Variants in WNT3 observed in about 807,000 individuals in gnomAD.
WNT3 encodes the protein Wnt family member 3, also known as proto-oncogene Wnt-3.
WNT3 carries 7 observed loss-of-function variants against 34.2 expected under a neutral mutation model. The ratio of observed to expected loss-of-function variants is 0.20; its 90% CI spans 0.12 to 0.38. The LOEUF (loss-of-function observed/expected upper bound fraction) is 0.38. WNT3 is among the 10% of genes least tolerant of loss of function. WNT3 has a pLI of 1.00. For synonymous variants in WNT3, 212 were observed against 211.5 expected (o/e 1.00, Z -0.02); for missense variants, 267 against 499.8 (o/e 0.53, Z 4.44).
chr17:46,808,443 CA>C (rs1288284655), intron 1 of WNT3, among the ~76,000 whole-genome samples: 1 of 152,178 alleles, frequency 6.6e-6, no homozygotes, highest in East Asian at 1.9e-4. Context: ...TATGAACAAG[CA>C]AATTTTTACC....
intron 4 of WNT3, among the ~76,000 whole-genome samples, chr17:46,767,596 G>A (rs954942760): frequency 1.3e-5 from 2 of 152,136 alleles, no homozygotes; most frequent in Admixed American, 1.3e-4. Context: ...GAAAGAACAG[G>A]AAGTTACTGA....
chr17:46,777,089 A>C (rs1044966537), intron 1 of WNT3, among the ~76,000 whole-genome samples: 2 of 152,250 alleles, frequency 1.3e-5, no homozygotes, highest in Admixed American at 1.3e-4. Flanking sequence ...TCACGCCTGT[A>C]ATCCCAGCTA....
Position 46,768,272 on chromosome 17 carries a change from C to A in WNT3, c.*8+40G>T, listed in dbSNP as rs755814594. On this transcript the variant is annotated intron_variant, in intron 4 of 4. Coordinates refer to ENST00000225512, the MANE Select transcript of WNT3 (RefSeq NM_030753.5). The surrounding 1 kb of genome is among the most constrained non-coding windows in gnomAD (Gnocchi z 5.0). ...TGGGCAAACAACCCCATTCCCTGCG[C>A]CCAGGCTCCCAGCCTCCCCCCTGCT... 18 of 1,611,386 alleles carry A rather than the reference C, an allele frequency of 1.1e-5. No homozygotes were observed. Among genetic ancestry groups the A allele is most frequent in the Non-Finnish European group, 1.5e-5 (18 of 1,179,954 alleles).
intron 1 of WNT3, among the ~76,000 whole-genome samples, chr17:46,800,191 G>A (rs1275165782): frequency 2.6e-5 from 4 of 151,972 alleles, no homozygotes; most frequent in Non-Finnish European, 4.4e-5. Flanking sequence ...GCTCACTGCA[G>A]CCTCCACCTC....
At chr17:46,808,550 C>A (rs2146457507) in intron 1 of WNT3, among the ~76,000 whole-genome samples, 1 of 152,328 alleles carries the variant, frequency 6.6e-6, no homozygotes. Context: ...ATGCCATGCC[C>A]AGGCTGCACT....
At chr17:46,772,760 C>G (rs1215595946) in intron 2 of WNT3, among the ~76,000 whole-genome samples, 1 of 152,148 alleles carries the variant, frequency 6.6e-6, no homozygotes, top group Non-Finnish European at 1.5e-5. Context: ...GGGTTGTCAG[C>G]TTCCCCCCCA....
At position 46,765,882 on chromosome 17, in the gene WNT3, C is replaced by T. The variant is rs557055442; in HGVS notation, c.*9-1261G>A. 3.9e-5 allele frequency among the ~76,000 whole-genome samples: 6 copies of T among 152,284 alleles called. No homozygotes were observed. The East Asian group carries it at 7.7e-4, about 20-fold the overall frequency. Reference sequence around the variant, plus strand: ...CACAAATGAAGAAGCCAGGGCTCAGCGAGGCAGAAGAGCTGGCCTGGGAGT... The same window carrying T: ...CACAAATGAAGAAGCCAGGGCTCAGTGAGGCAGAAGAGCTGGCCTGGGAGT... On this transcript the variant is annotated intron_variant, in intron 4 of 4. Coordinates refer to ENST00000225512, the MANE Select transcript of WNT3 (RefSeq NM_030753.5).
chr17:46,812,042 T>C (rs951080768), intron 1 of WNT3, among the ~76,000 whole-genome samples: 1 of 152,176 alleles, frequency 6.6e-6, no homozygotes, highest in Non-Finnish European at 1.5e-5. Context: ...GGAGACCCAG[T>C]GCTCCTTCCC....
intron 1 of WNT3, among the ~76,000 whole-genome samples, chr17:46,799,046 CAAAAA>C (rs35108068): frequency 1.1e-5 from 1 of 93,276 alleles, no homozygotes; most frequent in Non-Finnish European, 2.1e-5. Context: ...GACTCCGTCT[CAAAAA>C]AAAAAAAAAA....
rs189197667 is a variant in WNT3 at position 46,802,526 on chromosome 17, C to A, written c.80+15992G>T. Among the ~76,000 whole-genome samples the A allele has an allele frequency of 1.2e-3, 178 of 152,294 alleles. 1 individual carries two copies. The highest frequency in any genetic ancestry group is 6.8e-3 in the Middle Eastern group (2 of 294). On this transcript the variant is annotated intron_variant, in intron 1 of 4. Transcript: ENST00000225512. ...CAGATGATCCACCTGCCTCGGCCTC[C>A]CAAAGTGCTGGGATTACAGGTGTGA...
intron 2 of WNT3, 118 bp downstream of exon 2, chr17:46,773,550 C>T: frequency 8.2e-7 from 1 of 1,214,122 alleles, no homozygotes; most frequent in Non-Finnish European, 1.1e-6. Context: ...AAATTTATCA[C>T]CCTCCCAGAG....
chr17:46,797,761 A>G (rs1453033682), intron 1 of WNT3, among the ~76,000 whole-genome samples: 1 of 152,224 alleles, frequency 6.6e-6, no homozygotes, highest in Non-Finnish European at 1.5e-5. Flanking sequence ...AACTGTGAGC[A>G]TGTGAGAACT....
intron 1 of WNT3, among the ~76,000 whole-genome samples, chr17:46,803,287 A>G (rs1031744115): frequency 2.6e-5 from 4 of 152,214 alleles, no homozygotes; most frequent in Non-Finnish European, 5.9e-5. Flanking sequence ...TAATCCCAGC[A>G]CTTTCGGAGG....
At chr17:46,804,289 T>C (rs2146448883) in intron 1 of WNT3, among the ~76,000 whole-genome samples, 1 of 152,276 alleles carries the variant, frequency 6.6e-6, no homozygotes, top group East Asian at 1.9e-4. Context: ...GGTTTCAGCA[T>C]GTTGGCCAGG....
At chr17:46,765,612 CCATCCCTGCCAGTG>C (rs2049769689) in intron 4 of WNT3, among the ~76,000 whole-genome samples, 1 of 152,258 alleles carries the variant, frequency 6.6e-6, no homozygotes, top group Admixed American at 6.5e-5. Flanking sequence ...CTGTCCCCTG[CCATCCCTGCCAGTG>C]CATCCCGCAG....
intron 1 of WNT3, among the ~76,000 whole-genome samples, chr17:46,791,453 C>A (rs556945805): frequency 6.6e-6 from 1 of 152,190 alleles, no homozygotes; most frequent in East Asian, 1.9e-4. Context: ...GTGATCCGCC[C>A]GCCTCAGCCT....
Position 46,764,042 on chromosome 17 carries a change from A to C in WNT3, c.*588T>G, listed in dbSNP as rs983692083. The C allele has an allele frequency of 1.3e-5, 2 of 152,202 alleles. No individual in the cohort carries two copies. Among genetic ancestry groups the C allele is most frequent in the African/African-American group, 4.8e-5 (2 of 41,446 alleles). The allele number at this position is 152,202 out of a possible 1,614,324, so 9.4% of individuals were successfully genotyped here. ...CTTCCAAACTCCAAATCCTACTCTA[A>C]CAACTGCCACGGACCTTCCTACCAC... On this transcript the variant is annotated 3_prime_UTR_variant, in exon 5 of 5. Coordinates refer to ENST00000225512, the MANE Select transcript of WNT3 (RefSeq NM_030753.5).
intron 1 of WNT3, among the ~76,000 whole-genome samples, chr17:46,800,512 G>A (rs575075101): frequency 8.6e-6 from 1 of 116,560 alleles, no homozygotes; most frequent in Non-Finnish European, 2.1e-5. Context: ...GCCCTCAGGG[G>A]CTGACTCTTA....
chr17:46,817,448 GC>G (rs149445474), intron 1 of WNT3, among the ~76,000 whole-genome samples: 1 of 152,336 alleles, frequency 6.6e-6, no homozygotes, highest in Non-Finnish European at 1.5e-5. Context: ...AATGTAGGGG[GC>G]TGGAGACTGG....
Sources: allele counts gnomAD v4.1 joint callset (sites outside exome capture counted in the v4.1 genomes callset), GRCh38; gene constraint gnomAD v4.1.1; non-coding constraint Gnocchi (gnomAD v3.1); transcripts MANE v1.5; gene names NCBI Gene and HGNC (gene_info 2026-07-23, HGNC 2026-07-21).